LRRC4C: variants seen among roughly 807,000 people sequenced by gnomAD.
LRRC4C encodes leucine rich repeat containing 4C, also known as leucine-rich repeat-containing protein 4C.
A neutral mutation model predicts 33.6 loss-of-function variants in LRRC4C; 5 were observed. The observed-to-expected ratio is 0.15, with a 90% CI of 0.08 to 0.31. The LOEUF (loss-of-function observed/expected upper bound fraction) is 0.31, where lower values mean the gene tolerates loss of function less well. LRRC4C is among the 10% of genes least tolerant of loss of function. The pLI is 1.00. For synonymous variants in LRRC4C, 329 were observed against 302.0 expected (o/e 1.09, Z -0.93); for missense variants, 560 against 796.7 (o/e 0.70, Z 3.58).
At chr11:40,200,180 TAAAAAAAAAAAAAA>T (rs56269292) in intron 5 of LRRC4C, among the ~76,000 whole-genome samples, 4 of 26,030 alleles carry the variant, frequency 1.5e-4, no homozygotes, top group Admixed American at 7.2e-4. Flanking sequence ...CTGTCTCCAC[TAAAAAAAAAAAAAA>T]AAAAAAAAAA....
chr11:40,413,105 T>C (rs1295963659), intron 3 of LRRC4C, among the ~76,000 whole-genome samples: 2 of 152,184 alleles, frequency 1.3e-5, no homozygotes, highest in East Asian at 3.9e-4. Flanking sequence ...ACATAGTAAT[T>C]GCCTTGGAGG....
intron 5 of LRRC4C, among the ~76,000 whole-genome samples, chr11:40,166,770 T>C (rs886163717): frequency 2.0e-5 from 3 of 152,140 alleles, no homozygotes; most frequent in African/African-American, 7.2e-5. Context: ...TTGTAACCTG[T>C]ATTAAATAAA....
intron 3 of LRRC4C, among the ~76,000 whole-genome samples, chr11:40,393,965 TA>T (rs1213438232): frequency 6.6e-6 from 1 of 152,112 alleles, no homozygotes; most frequent in African/African-American, 2.4e-5. Flanking sequence ...CAGTTTTTTT[TA>T]ACTTAATTTA....
At chr11:40,602,548 A>C (rs1960130022) in intron 3 of LRRC4C, among the ~76,000 whole-genome samples, 2 of 151,884 alleles carry the variant, frequency 1.3e-5, no homozygotes, top group African/African-American at 4.9e-5. Context: ...AAAAAAATGA[A>C]AAAAAGGCAA....
intron 1 of LRRC4C, among the ~76,000 whole-genome samples, chr11:40,953,769 A>C (rs918203979): frequency 3.9e-5 from 6 of 151,936 alleles, no homozygotes; most frequent in Non-Finnish European, 8.8e-5. Flanking sequence ...CCTTCTTGGC[A>C]CTTTCAATGC....
At chr11:40,454,802 G>A (rs1173205254) in intron 3 of LRRC4C, among the ~76,000 whole-genome samples, 1 of 152,082 alleles carries the variant, frequency 6.6e-6, no homozygotes, top group Non-Finnish European at 1.5e-5. Context: ...TGGGTGAGCT[G>A]GTTAAAAGAC....
chr11:41,112,670 G>C (rs1941903292), intron 1 of LRRC4C, among the ~76,000 whole-genome samples: 1 of 151,938 alleles, frequency 6.6e-6, no homozygotes, highest in Non-Finnish European at 1.5e-5. Flanking sequence ...TCTCCTTTCT[G>C]ACTTTTGCAC....
At chr11:40,416,041 GTATTT>G (rs1277506545) in intron 3 of LRRC4C, among the ~76,000 whole-genome samples, 10 of 152,072 alleles carry the variant, frequency 6.6e-5, no homozygotes, top group African/African-American at 1.7e-4. Flanking sequence ...ATTTAAAATT[GTATTT>G]TATTTTTACT....
At chr11:40,194,633 A>T (rs1374153989) in intron 5 of LRRC4C, among the ~76,000 whole-genome samples, 2 of 152,022 alleles carry the variant, frequency 1.3e-5, no homozygotes, top group Admixed American at 6.6e-5. Flanking sequence ...GGTGGGGGGC[A>T]AAGGGAGGGA....
At chr11:40,945,122 G>C (rs955248984) in intron 1 of LRRC4C, among the ~76,000 whole-genome samples, 2 of 149,848 alleles carry the variant, frequency 1.3e-5, no homozygotes, top group South Asian at 4.2e-4. Flanking sequence ...CTGCCTCCCG[G>C]GTTCACATGC....
At chr11:41,409,021 C>G (rs1932927755) in intron 1 of LRRC4C, among the ~76,000 whole-genome samples, 1 of 152,148 alleles carries the variant, frequency 6.6e-6, no homozygotes, top group African/African-American at 2.4e-5. Flanking sequence ...TCACTGTGTG[C>G]AGGGTCACAC....
chr11:40,230,826 A>G (rs1865146138), intron 5 of LRRC4C, among the ~76,000 whole-genome samples: 1 of 152,212 alleles, frequency 6.6e-6, no homozygotes, highest in South Asian at 2.1e-4. Context: ...TTTAGTTTCT[A>G]GTCTTCTCTA....
chr11:40,969,202 A>G (rs79612130), intron 1 of LRRC4C, among the ~76,000 whole-genome samples: 123 of 152,292 alleles, frequency 8.1e-4, no homozygotes, highest in African/African-American at 2.9e-3. Flanking sequence ...AGAGAACTAG[A>G]ATTAGAAGTG....
At chr11:40,576,465 G>C (rs1488845155) in intron 3 of LRRC4C, among the ~76,000 whole-genome samples, 1 of 152,132 alleles carries the variant, frequency 6.6e-6, no homozygotes, top group African/African-American at 2.4e-5. Context: ...CTTAATGATA[G>C]ACAAATCTGG....
chr11:41,410,564 C>T (rs984235687), intron 1 of LRRC4C, among the ~76,000 whole-genome samples: 12 of 152,060 alleles, frequency 7.9e-5, no homozygotes, highest in Admixed American at 7.8e-4. Context: ...CCTCAGCCTC[C>T]CGAGTAGCTG....
chr11:40,340,974 G>A (rs547520571), intron 3 of LRRC4C, among the ~76,000 whole-genome samples: 2 of 152,252 alleles, frequency 1.3e-5, no homozygotes, highest in South Asian at 4.1e-4. Flanking sequence ...TCTGTTACAT[G>A]TCATGTTTTG....
At chr11:41,151,689 C>T (rs1484024155) in intron 1 of LRRC4C, among the ~76,000 whole-genome samples, 3 of 152,108 alleles carry the variant, frequency 2.0e-5, no homozygotes, top group Admixed American at 2.0e-4. Flanking sequence ...TATATTCTGT[C>T]AACAACCATT....
chr11:41,351,685 A>T (rs900130668), intron 1 of LRRC4C, among the ~76,000 whole-genome samples: 1 of 152,256 alleles, frequency 6.6e-6, no homozygotes, highest in African/African-American at 2.4e-5. Flanking sequence ...TTGGGGGCCT[A>T]TATTCAGCAA....
chr11:40,206,646 T>C (rs1863178828), intron 5 of LRRC4C, among the ~76,000 whole-genome samples: 2 of 152,174 alleles, frequency 1.3e-5, no homozygotes, highest in South Asian at 4.1e-4. Flanking sequence ...ACTTTGGGTA[T>C]GCAATTAGAC....
Sources: gnomAD v4.1 joint callset for allele counts (sites outside exome capture counted in the v4.1 genomes callset) on GRCh38, gnomAD v4.1.1 for gene constraint, MANE v1.5 for transcripts, NCBI Gene and HGNC (gene_info 2026-07-23, HGNC 2026-07-21) for gene names.